Variants in TBC1D32 observed in about 807,000 individuals in gnomAD.
The protein encoded by TBC1D32 is protein broad-minded.
TBC1D32 carries 151 observed loss-of-function variants against 170.3 expected under a neutral mutation model. That is an observed-to-expected ratio of 0.89 (90% CI 0.78 to 1.01). The LOEUF is 1.01. Among genes scored for constraint, TBC1D32 ranks in the 50% least tolerant of loss-of-function variants. The pLI is 0.00. For missense variants in TBC1D32, 1,464 were observed against 1,457.1 expected, an observed-to-expected ratio of 1.00 and a Z score of -0.08; for synonymous variants, 498 against 488.0, an observed-to-expected ratio of 1.02 and a Z score of -0.27.
At chr6:121,108,691 T>C (rs997884252) in intron 29 of TBC1D32, among the ~76,000 whole-genome samples, 70 of 152,222 alleles carry the variant, frequency 4.6e-4, no homozygotes, top group African/African-American at 1.7e-3. Flanking sequence ...TAGTTTTTTT[T>C]CTTCCATTAT....
chr6:121,334,626 A>G (rs1811659952), upstream of TBC1D32: 2 of 635,862 alleles, frequency 3.1e-6, no homozygotes, highest in Non-Finnish European at 5.4e-6. Context: ...ACTTTGGGGA[A>G]GCAGGGGTCC....
intron 22 of TBC1D32, chr6:121,170,316 C>T: frequency 2.3e-6 from 3 of 1,279,064 alleles, no homozygotes; most frequent in Non-Finnish European, 3.1e-6. Context: ...AGCAGAAAAA[C>T]ATTAAACAAG....
Position 121,279,172 on chromosome 6 carries a change from T to C in TBC1D32, c.1682A>G (p.Glu561Gly), listed in dbSNP as rs1441489489. ...GILARIASVEEGLILLLYGAN... is the reference protein window; with the variant it reads ...GILARIASVEGGLILLLYGAN... Reference sequence around the variant, plus strand: ...TCCATAAAGGAGTAAAATAAGCCCTTCTTCTACAGATGCAATTCTTGCCAA... The same window carrying C: ...TCCATAAAGGAGTAAAATAAGCCCTCCTTCTACAGATGCAATTCTTGCCAA... The change falls in exon 15 of 32, where the codon GAA becomes GGA. Residue 561 changes from glutamate to glycine, a missense_variant. This residue lies in a region of TBC1D32 where 1,363 missense variants were observed against 1,338.1 expected (regional missense o/e 1.02). Transcript: ENST00000398212. 9 of 1,611,738 alleles carry C rather than the reference T, an allele frequency of 5.6e-6. No individual in the cohort carries two copies. The East Asian group carries it at 2.0e-4, about 36-fold the overall frequency.
At chr6:121,110,966 G>C (rs543004406) in intron 29 of TBC1D32, among the ~76,000 whole-genome samples, 1,830 of 152,144 alleles carry the variant, frequency 0.012, 15 homozygotes, top group Non-Finnish European at 0.018. Context: ...ATGATGCTAT[G>C]GAAGGCACTG....
At chr6:121,147,310 G>C (rs917550415) in intron 24 of TBC1D32, among the ~76,000 whole-genome samples, 1 of 152,170 alleles carries the variant, frequency 6.6e-6, no homozygotes, top group African/African-American at 2.4e-5. Flanking sequence ...GATAGAATGA[G>C]TTATTTCCTT....
intron 21 of TBC1D32, among the ~76,000 whole-genome samples, chr6:121,222,875 C>T (rs1206262538): frequency 1.3e-5 from 2 of 152,090 alleles, no homozygotes; most frequent in African/African-American, 4.8e-5. Flanking sequence ...CAGTGGACTC[C>T]GTGGATACAA....
intron 24 of TBC1D32, among the ~76,000 whole-genome samples, chr6:121,157,609 T>C (rs1029395553): frequency 1.3e-5 from 2 of 152,166 alleles, no homozygotes; most frequent in Non-Finnish European, 2.9e-5. Flanking sequence ...CTGTGAGTTA[T>C]GTGCTTTAGT....
chr6:121,090,823 A>T (rs778488126), intron 31 of TBC1D32, 30 bp downstream of exon 31: 1 of 1,585,636 alleles, frequency 6.3e-7, no homozygotes, highest in African/African-American at 1.4e-5. Context: ...TATTAACTCA[A>T]CATTTTCCTC....
intron 25 of TBC1D32, among the ~76,000 whole-genome samples, chr6:121,127,686 C>T (rs1254982519): frequency 1.3e-5 from 2 of 151,888 alleles, no homozygotes; most frequent in Non-Finnish European, 2.9e-5. Flanking sequence ...AATACTGTCT[C>T]GAGATTATAA....
At chr6:121,263,468 T>C (rs1800041123) in intron 15 of TBC1D32, among the ~76,000 whole-genome samples, 1 of 152,156 alleles carries the variant, frequency 6.6e-6, no homozygotes, top group Non-Finnish European at 1.5e-5. Context: ...AAAAGCGGCT[T>C]AGACTACCAC....
At position 121,183,044 on chromosome 6, in the gene TBC1D32, G is replaced by GCA. The variant is rs1194399762; in HGVS notation, c.2571-21989_2571-21988insTG. 6.0e-5 allele frequency among the ~76,000 whole-genome samples: 8 copies of GCA among 133,308 alleles called. No individual in the cohort carries two copies. The South Asian group carries it at 1.6e-3, about 27-fold the overall frequency. 87.5% of individuals were successfully genotyped at this position (133,308 alleles called of 152,430 possible). A position where few individuals can be genotyped will look rare whatever the true frequency, so the allele number is the denominator to read the frequency against. On this transcript the variant is annotated intron_variant, in intron 22 of 31. Coordinates refer to ENST00000398212, the MANE Select transcript of TBC1D32 (RefSeq NM_152730.6). Reference sequence around the variant, plus strand: ...AGAGAGAAAGAGACAGACTGTGTGTGTGTGTGTTTGTGAGTGTGTGTAAAT... The same window carrying GCA: ...AGAGAGAAAGAGACAGACTGTGTGTGCATGTGTGTTTGTGAGTGTGTGTAAAT...
chr6:121,099,825 T>C (rs1162647428), intron 30 of TBC1D32, among the ~76,000 whole-genome samples: 1 of 151,904 alleles, frequency 6.6e-6, no homozygotes, highest in East Asian at 1.9e-4. Context: ...AATAATGAAG[T>C]GGTTGTTATT....
At chr6:121,241,720 A>G (rs2128362546) in intron 18 of TBC1D32, among the ~76,000 whole-genome samples, 168 bp from the exon 19 acceptor site, 1 of 152,306 alleles carries the variant, frequency 6.6e-6, no homozygotes, top group South Asian at 2.1e-4. Context: ...AGTATGACAG[A>G]AAAAAAGCTG....
chr6:121,208,729 GAAAAA>G (rs57771111), intron 21 of TBC1D32, among the ~76,000 whole-genome samples: 7 of 86,898 alleles, frequency 8.1e-5, no homozygotes, highest in East Asian at 3.7e-4. Flanking sequence ...GAAACACCTG[GAAAAA>G]AAAAAAAAAA....
At chr6:121,284,856 G>A (rs966869981) in intron 12 of TBC1D32, among the ~76,000 whole-genome samples, 1 of 152,052 alleles carries the variant, frequency 6.6e-6, no homozygotes, top group Non-Finnish European at 1.5e-5. Context: ...AAGTTCAACA[G>A]TATCCTATAA....
intron 26 of TBC1D32, among the ~76,000 whole-genome samples, chr6:121,119,530 G>A (rs1411260788): frequency 6.6e-6 from 1 of 151,676 alleles, no homozygotes; most frequent in African/African-American, 2.4e-5. Flanking sequence ...CTAGCATTAC[G>A]AAGAGAAAAG....
At chr6:121,204,815 T>C (rs775501055) in intron 22 of TBC1D32, among the ~76,000 whole-genome samples, 2 of 146,516 alleles carry the variant, frequency 1.4e-5, no homozygotes, top group Non-Finnish European at 2.9e-5. Context: ...CTAAATGAAA[T>C]AGTCCCTAAA....
chr6:121,112,573 G>T lies in TBC1D32; in HGVS notation c.3256C>A (p.Gln1086Lys). 1 of 1,610,994 alleles carries T rather than the reference G, an allele frequency of 6.2e-7. No homozygotes were observed. The highest frequency in any genetic ancestry group is 8.5e-7 in the Non-Finnish European group (1 of 1,178,186). The change falls in exon 29 of 32, where the codon CAA becomes AAA. Residue 1086 changes from glutamine to lysine, a missense_variant. Coordinates refer to ENST00000398212, the MANE Select transcript of TBC1D32 (RefSeq NM_152730.6). ...IMLGDKEKTF[Q>K]FLHQFSRLLT... ...AGCCTGGAGAATTGATGAAGAAATT[G>T]GAATGTTTTTTCTTTGTCTCCCAAC...
intron 10 of TBC1D32, among the ~76,000 whole-genome samples, chr6:121,296,539 T>C (rs1029029693): frequency 9.2e-5 from 14 of 152,170 alleles, no homozygotes; most frequent in Non-Finnish European, 1.9e-4. Flanking sequence ...CATTAGTCAA[T>C]TGTCTGAGGC....
Sources: gnomAD v4.1 joint callset for allele counts (sites outside exome capture counted in the v4.1 genomes callset) on GRCh38, gnomAD v4.1.1 for gene constraint, gnomAD v4.1.1 regional missense constraint, MANE v1.5 for transcripts, NCBI Gene and HGNC (gene_info 2026-07-23, HGNC 2026-07-21) for gene names.